The following F13A1 variants were observed in gnomAD, a reference collection of about 807,000 sequenced individuals.
F13A1 encodes FSF, A subunit.
Under a neutral mutation model 80.1 loss-of-function variants are expected in F13A1, and 47 were observed. The ratio of observed to expected loss-of-function variants is 0.59; its 90% CI spans 0.46 to 0.75. The LOEUF (loss-of-function observed/expected upper bound fraction) is 0.75. F13A1 is among the 30% of genes least tolerant of loss of function. The pLI, the probability that F13A1 is intolerant of heterozygous loss-of-function variation, is 0.00. For synonymous variants in F13A1, 349 were observed against 344.9 expected, an observed-to-expected ratio of 1.01 and a Z score of -0.13; for missense variants, 817 against 930.4, an observed-to-expected ratio of 0.88 and a Z score of 1.59.
chr6:6,296,300 G>C (rs1758326776), intron 3 of F13A1, among the ~76,000 whole-genome samples: 2 of 151,478 alleles, frequency 1.3e-5, no homozygotes, highest in Non-Finnish European at 2.9e-5. Flanking sequence ...CTGGTAGCTT[G>C]ATGGGGATGG....
intron 3 of F13A1, among the ~76,000 whole-genome samples, chr6:6,299,954 T>G (rs559126231): frequency 2.0e-5 from 3 of 147,388 alleles, no homozygotes; most frequent in Non-Finnish European, 2.9e-5. Context: ...TGTTTGTCAG[T>G]TTTCCTTCTA....
rs1182410326 is a variant in F13A1 at position 6,243,888 on chromosome 6, G to A, written c.798+4424C>T. On this transcript the variant is annotated intron_variant, in intron 6 of 14. Coordinates refer to ENST00000264870, the MANE Select transcript of F13A1 (RefSeq NM_000129.4). This position sits in a 1 kb window ranked among gnomAD's most constrained non-coding sequence, Gnocchi z 4.2. Reference sequence around the variant, plus strand: ...AGTGAATAACGAGCCTTTATCTGCAGTAGCGGCAGCCTTTGCAGAAGCAGC... The same window carrying A: ...AGTGAATAACGAGCCTTTATCTGCAATAGCGGCAGCCTTTGCAGAAGCAGC... Among the ~76,000 whole-genome samples, 4 of 152,240 alleles carry A rather than the reference G, an allele frequency of 2.6e-5. No individual in the cohort carries two copies. The highest frequency in any genetic ancestry group is 6.5e-5 in the Admixed American group (1 of 15,292).
At chr6:6,225,012 G>T in intron 6 of F13A1, 152 bp from the exon 7 acceptor site, 3 of 841,602 alleles carry the variant, frequency 3.6e-6, no homozygotes, top group Non-Finnish European at 5.7e-6. Flanking sequence ...CCATTACATT[G>T]TTAGAAAAAA....
chr6:6,154,909 C>G (rs151204415), intron 13 of F13A1, among the ~76,000 whole-genome samples: 1 of 152,138 alleles, frequency 6.6e-6, no homozygotes, highest in Non-Finnish European at 1.5e-5. Context: ...TCACTATATT[C>G]TTTCTGGAAA....
At chr6:6,236,405 C>A (rs1757414453) in intron 6 of F13A1, among the ~76,000 whole-genome samples, 1 of 151,958 alleles carries the variant, frequency 6.6e-6, no homozygotes, top group Non-Finnish European at 1.5e-5. Flanking sequence ...CTGTATAATT[C>A]AAAGAATAGA....
Position 6,145,628 on chromosome 6 carries a change from A to C in F13A1, c.2190T>G (p.Pro730=). 1 of 1,614,156 alleles carries C rather than the reference A, an allele frequency of 6.2e-7. No homozygotes were observed. The highest frequency in any genetic ancestry group is 8.5e-7 in the Non-Finnish European group (1 of 1,180,002). The change falls in exon 15 of 15, where the codon CCT becomes CCG. Residue 730 remains proline, a synonymous_variant. Coordinates refer to ENST00000264870, the MANE Select transcript of F13A1 (RefSeq NM_000129.4). ...GELDVQIQRR[P]SM ...TCAGCTTCCTGTGCATTCACATGGA[A>C]GGTCGTCTTTGAATCTGCACGTCCA...
chr6:6,302,086 T>C lies in F13A1; in HGVS notation c.319+3265A>G, dbSNP rs193122882. The stretch of plus-strand genomic sequence containing the variant: ...CTAAGACATTCATCTTACCAGTTTT[T>C]CTAAGACTTCCATTATCATAATTAT... On this transcript the variant is annotated intron_variant, in intron 3 of 14. Coordinates refer to ENST00000264870, the MANE Select transcript of F13A1 (RefSeq NM_000129.4). Among the ~76,000 whole-genome samples the C allele has an allele frequency of 6.6e-5, 10 of 152,350 alleles. No homozygotes were observed. In the East Asian group the frequency reaches 1.3e-3, roughly 21 times the overall value.
intron 3 of F13A1, among the ~76,000 whole-genome samples, chr6:6,294,541 CAT>C (rs558563187): frequency 0.011 from 1,689 of 149,914 alleles, 16 homozygotes; most frequent in African/African-American, 0.027. Flanking sequence ...CACACACACA[CAT>C]ATATATATAT....
intron 8 of F13A1, among the ~76,000 whole-genome samples, chr6:6,211,671 G>A (rs1049760867): frequency 6.6e-6 from 1 of 152,248 alleles, no homozygotes; most frequent in Non-Finnish European, 1.5e-5. Context: ...ATTAGGGGGA[G>A]GAGCCAAGAT....
At chr6:6,184,767 A>G (rs887562874) in intron 10 of F13A1, among the ~76,000 whole-genome samples, 7 of 152,338 alleles carry the variant, frequency 4.6e-5, no homozygotes, top group Non-Finnish European at 7.4e-5. Context: ...ATATGGCTTC[A>G]GAAATTCCTG....
chr6:6,208,953 A>G lies in F13A1; in HGVS notation c.1113-11627T>C, dbSNP rs573806101. On this transcript the variant is annotated intron_variant, in intron 8 of 14. Coordinates refer to ENST00000264870, the MANE Select transcript of F13A1 (RefSeq NM_000129.4). ...GTTATGGTTTCTTAGATATGACACC[A>G]AATGTATAAGCATCCAAAGAAATAA... is the stretch of plus-strand genomic sequence containing the variant. 2.5e-4 allele frequency among the ~76,000 whole-genome samples: 38 copies of G among 152,316 alleles called. 1 individual carries two copies. The highest frequency in any genetic ancestry group is 6.5e-4 in the Admixed American group (10 of 15,302).
At chr6:6,166,010 C>T (rs774726118) in intron 13 of F13A1, among the ~76,000 whole-genome samples, 3 of 152,252 alleles carry the variant, frequency 2.0e-5, no homozygotes, top group Non-Finnish European at 2.9e-5. Flanking sequence ...TTGGGTGGGA[C>T]TTGCCTTGGG....
Position 6,250,685 on chromosome 6 carries a change from C to A in F13A1, c.690+126G>T, listed in dbSNP as rs1020131849. The A allele has an allele frequency of 9.7e-6, 7 of 723,090 alleles. No individual in the cohort carries two copies. Among genetic ancestry groups the A allele is most frequent in the Admixed American group, 5.9e-5 (3 of 51,176 alleles). The allele number at this position is 723,090 out of a possible 1,614,324, so 44.8% of individuals were successfully genotyped here. A position where few individuals can be genotyped will look rare whatever the true frequency, so the allele number is the denominator to read the frequency against. ...ACTCCTATGCTCTCTGCCTTGGAGTCTCAGATCCTAAAAAGCAGGAAATTG... is the reference window on the plus strand; with the variant it reads ...ACTCCTATGCTCTCTGCCTTGGAGTATCAGATCCTAAAAAGCAGGAAATTG... On this transcript the variant is annotated intron_variant, in intron 5 of 14. Transcript: ENST00000264870. The surrounding 1 kb of genome is among the most constrained non-coding windows in gnomAD (Gnocchi z 4.2).
In F13A1 at chr6:6,167,509, A is replaced by G; in HGVS notation, c.1857T>C (p.Val619=). ...GCACGGTGGACTTTTGCTTGGCCAG[A>G]ACATCCCTGGTCTCATTGATGCGAG... ...VTARINETRD[V]LAKQKSTVLT... The change falls in exon 13 of 15, where the codon GTT becomes GTC. Residue 619 remains valine (V), a synonymous_variant. Transcript: ENST00000264870. 1 of 1,614,040 alleles carries G rather than the reference A, an allele frequency of 6.2e-7. No individual in the cohort carries two copies. The highest frequency in any genetic ancestry group is 8.5e-7 in the Non-Finnish European group (1 of 1,179,994).
At chr6:6,271,001 T>C (rs904333554) in intron 3 of F13A1, among the ~76,000 whole-genome samples, 2 of 152,082 alleles carry the variant, frequency 1.3e-5, no homozygotes, top group African/African-American at 4.8e-5. Context: ...CACCAAAGGG[T>C]GAAGGCTGAG....
At chr6:6,266,322 C>T (rs1385027837) in intron 4 of F13A1, among the ~76,000 whole-genome samples, 1 of 152,142 alleles carries the variant, frequency 6.6e-6, no homozygotes, top group East Asian at 1.9e-4. Context: ...ACCTCCAACT[C>T]CCGAACTCAA....
At chr6:6,176,202 T>C (rs138423445) in intron 11 of F13A1, among the ~76,000 whole-genome samples, 14 of 152,368 alleles carry the variant, frequency 9.2e-5, no homozygotes, top group South Asian at 2.1e-4. Context: ...CTAGCTTTTA[T>C]AATTATGCTA....
At chr6:6,286,012 G>A (rs1583111129) in intron 3 of F13A1, among the ~76,000 whole-genome samples, 1 of 152,234 alleles carries the variant, frequency 6.6e-6, no homozygotes, top group Non-Finnish European at 1.5e-5. Context: ...CCGCTTCTAA[G>A]CGCTAGCAGG....
intron 8 of F13A1, among the ~76,000 whole-genome samples, chr6:6,206,020 A>C (rs1276642600): frequency 6.6e-6 from 1 of 152,186 alleles, no homozygotes; most frequent in Non-Finnish European, 1.5e-5. Context: ...AACATGAAGA[A>C]AATATTGAAT....
Sources: allele counts gnomAD v4.1 joint callset (sites outside exome capture counted in the v4.1 genomes callset), GRCh38; gene constraint gnomAD v4.1.1; non-coding constraint Gnocchi (gnomAD v3.1); transcripts MANE v1.5; gene names NCBI Gene and HGNC (gene_info 2026-07-23, HGNC 2026-07-21).